CMIP: variants seen among roughly 807,000 people sequenced by gnomAD.
CMIP encodes the protein C-Maf-inducing protein.
In CMIP, 13 loss-of-function variants were observed where a neutral mutation model predicts 97.3. The ratio of observed to expected loss-of-function variants is 0.13; its 90% confidence interval spans 0.09 to 0.21. The LOEUF (loss-of-function observed/expected upper bound fraction) is 0.21. Ranked by LOEUF, CMIP falls within the 10% of genes least tolerant of loss-of-function variation. CMIP has a pLI of 1.00. For synonymous variants in CMIP, 538 were observed against 436.3 expected (o/e 1.23, Z -2.91); for missense variants, 847 against 1,024.9 (o/e 0.83, Z 2.37).
chr16:81,609,647 G>T (rs969812893), intron 2 of CMIP, among the ~76,000 whole-genome samples: 6 of 152,230 alleles, frequency 3.9e-5, no homozygotes, highest in Non-Finnish European at 8.8e-5. Context: ...TGGCCTGGGG[G>T]GCCAAAGCAG....
chr16:81,604,938 C>T (rs181324418), intron 1 of CMIP, among the ~76,000 whole-genome samples: 1 of 152,294 alleles, frequency 6.6e-6, no homozygotes, highest in African/African-American at 2.4e-5. Context: ...TTAGTAATCA[C>T]CTCCTAAATG....
intron 1 of CMIP, among the ~76,000 whole-genome samples, chr16:81,548,985 C>G (rs992491691): frequency 2.0e-5 from 3 of 152,236 alleles, no homozygotes; most frequent in Non-Finnish European, 2.9e-5. Flanking sequence ...GGCACCACAG[C>G]TGGACCATTG....
intron 1 of CMIP, among the ~76,000 whole-genome samples, chr16:81,492,516 G>C (rs562997059): frequency 6.6e-6 from 1 of 152,274 alleles, no homozygotes; most frequent in African/African-American, 2.4e-5. Context: ...AGAGCAGGGA[G>C]GGGTTTCAGT....
intron 1 of CMIP, among the ~76,000 whole-genome samples, chr16:81,470,243 G>A (rs1297839447): frequency 8.5e-5 from 13 of 152,238 alleles, no homozygotes; most frequent in East Asian, 1.9e-4. Flanking sequence ...AGACAAAGGC[G>A]CCGCAGGGAT....
chr16:81,562,387 T>C (rs1232894796), intron 1 of CMIP, among the ~76,000 whole-genome samples: 1 of 152,244 alleles, frequency 6.6e-6, no homozygotes. Flanking sequence ...GAATGCCTCA[T>C]CAGCATTCTC....
Position 81,645,424 on chromosome 16 carries a change from C to T in CMIP, c.478-6779C>T, listed in dbSNP as rs1455789429. 13 of 1,489,150 alleles carry T rather than the reference C, an allele frequency of 8.7e-6. No homozygotes were observed. In the East Asian group the frequency reaches 2.2e-4, roughly 26 times the overall value. 92.2% of individuals were successfully genotyped at this position (1,489,150 alleles called of 1,614,324 possible). On this transcript the variant is annotated intron_variant, in intron 3 of 20. Coordinates refer to ENST00000537098, the MANE Select transcript of CMIP (RefSeq NM_198390.3). ...CAGCAGAGCAGCAGCCCCTGCCTGG[C>T]GCGACGTGCTTCCAGTGCATTCTGA...
At chr16:81,567,540 G>A (rs2091004193) in intron 1 of CMIP, among the ~76,000 whole-genome samples, 1 of 152,126 alleles carries the variant, frequency 6.6e-6, no homozygotes, top group Admixed American at 6.5e-5. Flanking sequence ...CACGTCTCTG[G>A]GCCTCAGTTT....
At chr16:81,477,804 A>C (rs1055142414) in intron 1 of CMIP, among the ~76,000 whole-genome samples, 5 of 152,192 alleles carry the variant, frequency 3.3e-5, no homozygotes, top group African/African-American at 1.2e-4. Flanking sequence ...AGAGAGGCTC[A>C]AGTTCCTGCC....
intron 1 of CMIP, among the ~76,000 whole-genome samples, chr16:81,595,387 CTT>C (rs747169672): frequency 2.2e-5 from 3 of 137,658 alleles, no homozygotes; most frequent in East Asian, 4.1e-4. Context: ...TTCCTTCTTT[CTT>C]TTTTTTTTTT....
intron 11 of CMIP, among the ~76,000 whole-genome samples, chr16:81,692,818 G>A (rs540734122): frequency 2.0e-5 from 3 of 152,288 alleles, no homozygotes; most frequent in African/African-American, 7.2e-5. Context: ...CGCCTTAATC[G>A]TGGAACAATT....
intron 1 of CMIP, among the ~76,000 whole-genome samples, chr16:81,543,300 C>T (rs1449726135): frequency 6.6e-6 from 1 of 152,226 alleles, no homozygotes; most frequent in Non-Finnish European, 1.5e-5. Context: ...CTTCCCTAAT[C>T]ATGTCCAGTG....
intron 3 of CMIP, among the ~76,000 whole-genome samples, chr16:81,647,904 G>A (rs2092381899): frequency 7.4e-6 from 1 of 135,942 alleles, no homozygotes; most frequent in African/African-American, 2.9e-5. Context: ...CAACGCCGTA[G>A]CCCACCCTCC....
rs139634590 is a variant in CMIP, at chr16:81,617,848, G to T, written c.427-3028G>T. 2.9e-3 allele frequency among the ~76,000 whole-genome samples: 446 copies of T among 152,362 alleles called. 5 individuals carry two copies. Among genetic ancestry groups the T allele is most frequent in the African/African-American group, 0.01 (426 of 41,588 alleles). The stretch of plus-strand genomic sequence containing the variant: ...GTGCTCCAGGCCACAGGATACAGTG[G>T]TAGGTAGAGCATGCGTGGCCCCTTC... On this transcript the variant is annotated intron_variant, in intron 2 of 20. Transcript: ENST00000537098.
chr16:81,536,188 G>A (rs1305863157), intron 1 of CMIP, among the ~76,000 whole-genome samples: 1 of 152,180 alleles, frequency 6.6e-6, no homozygotes, highest in Non-Finnish European at 1.5e-5. Context: ...ATTTCACGAG[G>A]AGAGGCTTGT....
intron 1 of CMIP, among the ~76,000 whole-genome samples, chr16:81,551,444 C>G (rs11645928): frequency 0.82 from 124,311 of 152,206 alleles, 50,794 homozygotes; most frequent in East Asian, 0.89. Flanking sequence ...AGACATGGCA[C>G]ATGGGACCTG....
chr16:81,531,072 T>G lies in CMIP; in HGVS notation c.301-76495T>G, dbSNP rs116481108. Reference sequence around the variant, plus strand: ...CTCTGTACCTGTGAGCATGACCTTCTTTGGAAATAGGGACTTTGCAGATGC... The same window carrying G: ...CTCTGTACCTGTGAGCATGACCTTCGTTGGAAATAGGGACTTTGCAGATGC... On this transcript the variant is annotated intron_variant, in intron 1 of 20. Coordinates refer to ENST00000537098, the MANE Select transcript of CMIP (RefSeq NM_198390.3). Among the ~76,000 whole-genome samples the G allele has an allele frequency of 2.0e-3, 297 of 152,282 alleles. 2 individuals are homozygous for G. The highest frequency in any genetic ancestry group is 7.0e-3 in the African/African-American group (289 of 41,538).
At chr16:81,656,995 C>A (rs1187248268) in intron 4 of CMIP, among the ~76,000 whole-genome samples, 1 of 151,916 alleles carries the variant, frequency 6.6e-6, no homozygotes, top group Non-Finnish European at 1.5e-5. Context: ...TCAGGTTTTG[C>A]ATTCTCAGAC....
chr16:81,449,748 A>T (rs1310786671), intron 1 of CMIP, among the ~76,000 whole-genome samples: 1 of 150,394 alleles, frequency 6.6e-6, no homozygotes, highest in African/African-American at 2.5e-5. Flanking sequence ...AACTTGTCTG[A>T]TTGGAGGTGG....
At chr16:81,496,569 G>C (rs543252426) in intron 1 of CMIP, among the ~76,000 whole-genome samples, 1 of 152,356 alleles carries the variant, frequency 6.6e-6, no homozygotes, top group East Asian at 1.9e-4. Flanking sequence ...GGATGACGAT[G>C]TCTCAAAGTA....
Sources: allele counts gnomAD v4.1 joint callset (sites outside exome capture counted in the v4.1 genomes callset), GRCh38; gene constraint gnomAD v4.1.1; transcripts MANE v1.5; gene names NCBI Gene and HGNC (gene_info 2026-07-23, HGNC 2026-07-21).